CERS3: variants seen among roughly 807,000 people sequenced by gnomAD.
The protein encoded by CERS3 is ceramide synthase 3, also known as LAG1 homolog, ceramide synthase 3.
CERS3 carries 33 observed loss-of-function variants against 50.3 expected under a neutral mutation model. The observed-to-expected ratio is 0.66, with a 90% CI of 0.50 to 0.88. The LOEUF (loss-of-function observed/expected upper bound fraction) is 0.88, where lower values mean the gene tolerates loss of function less well. Among genes scored for constraint, CERS3 ranks in the 40% least tolerant of loss-of-function variants. The pLI, the probability that CERS3 is intolerant of heterozygous loss-of-function variation, is 0.00. For missense variants in CERS3, 470 were observed against 460.3 expected (o/e 1.02, Z -0.19); for synonymous variants, 176 against 155.2 (o/e 1.13, Z -0.99).
At chr15:100,508,932 C>A (rs7176024) in intron 2 of CERS3, among the ~76,000 whole-genome samples, 144,668 of 152,258 alleles carry the variant, frequency 0.95, 68,889 homozygotes, top group Middle Eastern at 0.99. Flanking sequence ...ATAAAAAAAT[C>A]TGAGGCTATT....
intron 2 of CERS3, among the ~76,000 whole-genome samples, chr15:100,518,013 G>A (rs770796233): frequency 6.6e-6 from 1 of 152,194 alleles, no homozygotes; most frequent in Non-Finnish European, 1.5e-5. Context: ...AAATGGGGAT[G>A]GGTCATTCAT....
chr15:100,441,751 G>A (rs540056516), intron 11 of CERS3, among the ~76,000 whole-genome samples: 1 of 152,144 alleles, frequency 6.6e-6, no homozygotes, highest in East Asian at 1.9e-4. Flanking sequence ...TCGTAAAATA[G>A]GCAAACGGTC....
At chr15:100,540,706 A>T (rs1031720382) in intron 1 of CERS3, among the ~76,000 whole-genome samples, 5 of 152,152 alleles carry the variant, frequency 3.3e-5, no homozygotes, top group African/African-American at 1.2e-4. Flanking sequence ...ACGTGTACCT[A>T]TGTGCGCGTA....
chr15:100,404,776 T>A (rs912410038), intron 11 of CERS3, among the ~76,000 whole-genome samples: 1 of 152,136 alleles, frequency 6.6e-6, no homozygotes, highest in Non-Finnish European at 1.5e-5. Context: ...GGAATAAACA[T>A]GCAGATCAGT....
At chr15:100,535,042 A>G (rs2037036621) in intron 1 of CERS3, among the ~76,000 whole-genome samples, 1 of 152,152 alleles carries the variant, frequency 6.6e-6, no homozygotes, top group Non-Finnish European at 1.5e-5. Flanking sequence ...CCTAAATTGT[A>G]TAAAACCAAG....
intron 3 of CERS3, among the ~76,000 whole-genome samples, chr15:100,496,055 G>A (rs1198096732): frequency 6.6e-6 from 1 of 152,146 alleles, no homozygotes; most frequent in Admixed American, 6.5e-5. Context: ...TTCTTTCACA[G>A]AGCTGAATGT....
intron 1 of CERS3, among the ~76,000 whole-genome samples, chr15:100,541,727 T>C (rs2037206737): frequency 1.3e-5 from 2 of 152,100 alleles, no homozygotes; most frequent in Non-Finnish European, 2.9e-5. Flanking sequence ...TTGCCAAAAA[T>C]TAGTCTCTTA....
At chr15:100,520,427 G>A (rs1422007707) in intron 2 of CERS3, among the ~76,000 whole-genome samples, 1 of 152,196 alleles carries the variant, frequency 6.6e-6, no homozygotes, top group African/African-American at 2.4e-5. Flanking sequence ...TGTTCGGGCT[G>A]TGTAGCCACC....
At chr15:100,423,190 C>T (rs1447104641) in intron 11 of CERS3, among the ~76,000 whole-genome samples, 2 of 151,976 alleles carry the variant, frequency 1.3e-5, no homozygotes, top group Non-Finnish European at 2.9e-5. Context: ...TTAGTTTGGC[C>T]ACTGTGGAAA....
chr15:100,433,705 A>G (rs140263529), intron 11 of CERS3, among the ~76,000 whole-genome samples: 1 of 152,328 alleles, frequency 6.6e-6, no homozygotes, highest in Non-Finnish European at 1.5e-5. Flanking sequence ...CTGTGTATGC[A>G]TGCCCATGCA....
At chr15:100,464,777 T>G (rs980124905) in intron 10 of CERS3, among the ~76,000 whole-genome samples, 9 of 152,252 alleles carry the variant, frequency 5.9e-5, no homozygotes, top group African/African-American at 2.2e-4. Context: ...TGAACAGGAA[T>G]GCAAACAGAT....
intron 11 of CERS3, among the ~76,000 whole-genome samples, chr15:100,410,342 C>T (rs1369653314): frequency 6.6e-6 from 1 of 152,198 alleles, no homozygotes; most frequent in Non-Finnish European, 1.5e-5. Flanking sequence ...GCTTGGCACT[C>T]CAGCAGGCAC....
intron 11 of CERS3, among the ~76,000 whole-genome samples, chr15:100,429,098 T>C (rs1232199394): frequency 1.3e-5 from 2 of 152,250 alleles, no homozygotes; most frequent in South Asian, 2.1e-4. Flanking sequence ...TCACAGGTCA[T>C]GGTCAGAAAT....
rs1286673530 is a variant in CERS3 at position 100,518,824 on chromosome 15, C to CT, written c.-2+2842dup. Among the ~76,000 whole-genome samples the CT allele has an allele frequency of 3.9e-5, 6 of 152,306 alleles. No homozygotes were observed. The East Asian group carries it at 1.2e-3, about 29-fold the overall frequency. ...TGGGGTCAATGTGTTCCTAAGCCTTCTTTTTAAAATGCTTTCTGTAAGACT... is the reference window on the plus strand; with the variant it reads ...TGGGGTCAATGTGTTCCTAAGCCTTCTTTTTTAAAATGCTTTCTGTAAGACT... On this transcript the variant is annotated intron_variant, in intron 2 of 11. Coordinates refer to ENST00000679737, the MANE Select transcript of CERS3 (RefSeq NM_001378789.1).
At chr15:100,411,205 C>T (rs1202519540) in intron 11 of CERS3, among the ~76,000 whole-genome samples, 1 of 152,156 alleles carries the variant, frequency 6.6e-6, no homozygotes, top group Non-Finnish European at 1.5e-5. Context: ...TCTCGTTGCC[C>T]AGGCTGGAGT....
intron 2 of CERS3, among the ~76,000 whole-genome samples, chr15:100,504,852 A>T (rs1425759049): frequency 6.6e-6 from 1 of 152,234 alleles, no homozygotes; most frequent in Non-Finnish European, 1.5e-5. Context: ...TGCCTGAACC[A>T]TCTGACATAA....
At chr15:100,433,792 C>G (rs1019832576) in intron 11 of CERS3, among the ~76,000 whole-genome samples, 2 of 152,250 alleles carry the variant, frequency 1.3e-5, no homozygotes, top group Non-Finnish European at 2.9e-5. Context: ...CAAATAGCAA[C>G]AGAAAGCTTC....
At chr15:100,483,042 A>T (rs2035361878) in intron 5 of CERS3, among the ~76,000 whole-genome samples, 1 of 152,234 alleles carries the variant, frequency 6.6e-6, no homozygotes, top group Non-Finnish European at 1.5e-5. Flanking sequence ...AATATATTGC[A>T]TAATTTCCTG....
At chr15:100,522,486 C>T (rs1596809273) in intron 1 of CERS3, among the ~76,000 whole-genome samples, 1 of 152,212 alleles carries the variant, frequency 6.6e-6, no homozygotes, top group Non-Finnish European at 1.5e-5. Flanking sequence ...CAGACTCTTC[C>T]TCATGCCTCT....
Sources: gnomAD v4.1 joint callset for allele counts (sites outside exome capture counted in the v4.1 genomes callset) on GRCh38, gnomAD v4.1.1 for gene constraint, MANE v1.5 for transcripts, NCBI Gene and HGNC (gene_info 2026-07-23, HGNC 2026-07-21) for gene names.